Variants in LMO7 observed in about 807,000 individuals in gnomAD.
LMO7 encodes the protein LIM domain only protein 7.
LMO7 carries 120 observed loss-of-function variants against 206.5 expected under a neutral mutation model. That is an observed-to-expected ratio of 0.58 (90% CI 0.50 to 0.68). The LOEUF (loss-of-function observed/expected upper bound fraction) is 0.68, where lower values mean the gene tolerates loss of function less well. Ranked by LOEUF, LMO7 falls within the 30% of genes least tolerant of loss-of-function variation. The pLI is 0.00. For missense variants in LMO7, 1,959 were observed against 1,957.9 expected, an observed-to-expected ratio of 1.00 and a Z score of -0.01; for synonymous variants, 706 against 681.5, an observed-to-expected ratio of 1.04 and a Z score of -0.56.
intron 15 of LMO7, among the ~76,000 whole-genome samples, chr13:75,825,686 C>G (rs2058054302): frequency 1.3e-5 from 2 of 152,076 alleles, no homozygotes; most frequent in African/African-American, 4.8e-5. Context: ...TTTTCTGTGC[C>G]ACTAGGGCAG....
At chr13:75,763,631 A>G (rs2048469337) in intron 4 of LMO7, among the ~76,000 whole-genome samples, 3 of 152,168 alleles carry the variant, frequency 2.0e-5, no homozygotes, top group Admixed American at 2.0e-4. Flanking sequence ...CTGTATTATA[A>G]CTGCCCAGAC....
chr13:75,715,242 A>G (rs1166864819), intron 2 of LMO7, among the ~76,000 whole-genome samples: 1 of 152,196 alleles, frequency 6.6e-6, no homozygotes, highest in African/African-American at 2.4e-5. Flanking sequence ...CCAGCCTGAA[A>G]AGATCTGCAT....
intron 2 of LMO7, among the ~76,000 whole-genome samples, chr13:75,715,822 CTG>C (rs2043487663): frequency 6.6e-6 from 1 of 152,132 alleles, no homozygotes; most frequent in Non-Finnish European, 1.5e-5. Flanking sequence ...CCACATCCAC[CTG>C]TGTTATATAT....
Position 75,729,609 on chromosome 13 carries a change from TAC to T in LMO7, c.210+2512_210+2513del, listed in dbSNP as rs1355902547. The stretch of plus-strand genomic sequence containing the variant: ...TTGACTTCCTCTTTTCCTAATTGAA[TAC>T]CCTTTATTTCCTTCTCCTGCCTAAT... On this transcript the variant is annotated intron_variant, in intron 3 of 30. Transcript: ENST00000377534. Among the ~76,000 whole-genome samples, 16 of 150,786 alleles carry T rather than the reference TAC, an allele frequency of 1.1e-4. No individual in the cohort carries two copies. The East Asian group carries it at 3.1e-3, about 29-fold the overall frequency.
chr13:75,755,469 TA>T (rs2047613583), intron 3 of LMO7, among the ~76,000 whole-genome samples: 1 of 152,172 alleles, frequency 6.6e-6, no homozygotes, highest in South Asian at 2.1e-4. Context: ...CCTCTTTCTT[TA>T]ACTGTCCTTT....
chr13:75,827,323 A>G (rs1387106552), intron 15 of LMO7, among the ~76,000 whole-genome samples: 1 of 152,138 alleles, frequency 6.6e-6, no homozygotes, highest in Non-Finnish European at 1.5e-5. Flanking sequence ...GGTGTTCCCT[A>G]GAGTTATTTT....
At chr13:75,787,942 G>A (rs1304644143) in intron 4 of LMO7, among the ~76,000 whole-genome samples, 1 of 152,172 alleles carries the variant, frequency 6.6e-6, no homozygotes. Flanking sequence ...TTGACATAGT[G>A]ATGAGAGAAT....
At chr13:75,632,438 A>G (rs371166426), upstream of LMO7, among the ~76,000 whole-genome samples, 19 of 152,378 alleles carry the variant, frequency 1.2e-4, no homozygotes, top group East Asian at 2.9e-3. Flanking sequence ...AAGAGAGACC[A>G]AAGGGAAATA....
At chr13:75,660,073 GTTAA>G (rs2038426603) in intron 1 of LMO7, among the ~76,000 whole-genome samples, 2 of 152,240 alleles carry the variant, frequency 1.3e-5, no homozygotes, top group East Asian at 3.9e-4. Context: ...TCAAATTTTA[GTTAA>G]TAGTTCATAA....
intron 3 of LMO7, among the ~76,000 whole-genome samples, chr13:75,731,320 G>T (rs1387421012): frequency 6.6e-6 from 1 of 152,056 alleles, no homozygotes. Context: ...CTCCTGTATT[G>T]GGTGCATATA....
intron 1 of LMO7, among the ~76,000 whole-genome samples, chr13:75,699,886 C>G (rs2042162673): frequency 6.6e-6 from 1 of 152,192 alleles, no homozygotes; most frequent in South Asian, 2.1e-4. Flanking sequence ...TGCAGGAGAC[C>G]AGGGCGTATT....
intron 1 of LMO7, among the ~76,000 whole-genome samples, chr13:75,652,610 G>C (rs901146140): frequency 2.9e-5 from 4 of 140,016 alleles, no homozygotes; most frequent in Non-Finnish European, 6.1e-5. Context: ...TTAACCACAA[G>C]TTCAGTGTGT....
At chr13:75,680,068 G>A (rs899408382) in intron 1 of LMO7, among the ~76,000 whole-genome samples, 2 of 152,062 alleles carry the variant, frequency 1.3e-5, no homozygotes, top group African/African-American at 4.8e-5. Context: ...CCTCCCACAG[G>A]CCCCAGTATG....
intron 1 of LMO7, among the ~76,000 whole-genome samples, chr13:75,677,787 C>T (rs1252520943): frequency 9.4e-6 from 1 of 106,694 alleles, no homozygotes; most frequent in Non-Finnish European, 1.8e-5. Flanking sequence ...TGCTATCCCT[C>T]CCCCCTCCCC....
intron 2 of LMO7, among the ~76,000 whole-genome samples, chr13:75,626,171 A>G (rs2034044799): frequency 6.6e-6 from 1 of 152,176 alleles, no homozygotes; most frequent in Non-Finnish European, 1.5e-5. Context: ...AATGTTTTTG[A>G]AAATTTTATT....
At chr13:75,736,774 G>C (rs1594643246) in intron 3 of LMO7, among the ~76,000 whole-genome samples, 1 of 152,332 alleles carries the variant, frequency 6.6e-6, no homozygotes, top group East Asian at 1.9e-4. Flanking sequence ...GATTCCTTGA[G>C]GAGGAGGATG....
intron 1 of LMO7, 71 bp downstream of exon 1, chr13:75,636,797 C>G: frequency 7.1e-7 from 1 of 1,399,186 alleles, no homozygotes; most frequent in Non-Finnish European, 9.9e-7. Flanking sequence ...GAGGTGACTG[C>G]AGCCCCAGTC....
At position 75,853,206 on chromosome 13, in the gene LMO7, C is replaced by A. The variant is rs745619486; in HGVS notation, c.4479C>A (p.Arg1493=). 3.8e-5 allele frequency: 62 copies of A among 1,614,138 alleles called. No individual in the cohort carries two copies. In the South Asian group the frequency reaches 6.1e-4, roughly 16 times the overall value. The change falls in exon 28 of 31, where the codon CGC becomes CGA. Residue 1493 remains arginine (R), a synonymous_variant. Coordinates refer to ENST00000377534, the MANE Select transcript of LMO7 (RefSeq NM_001306080.2). The part of the protein sequence containing the change: ...YASSSVQDFS[R]PPPQLVSTSN... ...CTTCCTCTGTGCAAGACTTTAGTCG[C>A]CCACCACCTCAGCTGGTGTCCACAT...
chr13:75,668,772 A>T (rs1450868845), intron 1 of LMO7, among the ~76,000 whole-genome samples: 1 of 152,154 alleles, frequency 6.6e-6, no homozygotes, highest in Non-Finnish European at 1.5e-5. Flanking sequence ...ACTTGACATT[A>T]TGAAGTGACA....
Sources: allele counts gnomAD v4.1 joint callset (sites outside exome capture counted in the v4.1 genomes callset), GRCh38; gene constraint gnomAD v4.1.1; transcripts MANE v1.5; gene names NCBI Gene and HGNC (gene_info 2026-07-23, HGNC 2026-07-21).